The following PDE10A variants were observed in gnomAD, a reference collection of about 807,000 sequenced individuals.
PDE10A encodes phosphodiesterase 10A.
In PDE10A, 39 loss-of-function variants were observed where a neutral mutation model predicts 97.7. That is an observed-to-expected ratio of 0.40 (90% confidence interval 0.31 to 0.52). The LOEUF is 0.52. PDE10A is among the 20% of genes least tolerant of loss of function. PDE10A has a pLI of 0.56. For synonymous variants in PDE10A, 371 were observed against 376.8 expected, an observed-to-expected ratio of 0.98 and a Z score of 0.18; for missense variants, 731 against 1,047.8, an observed-to-expected ratio of 0.70 and a Z score of 4.17.
At chr6:165,962,315 T>G (rs1323389327) in intron 1 of PDE10A, among the ~76,000 whole-genome samples, 1 of 152,156 alleles carries the variant, frequency 6.6e-6, no homozygotes, top group Non-Finnish European at 1.5e-5. Flanking sequence ...TGGTGACCAG[T>G]GGGTGGGAAT....
At chr6:165,716,811 C>T (rs897701649) in intron 1 of PDE10A, among the ~76,000 whole-genome samples, 1 of 152,150 alleles carries the variant, frequency 6.6e-6, no homozygotes, top group South Asian at 2.1e-4. Flanking sequence ...AATGGCTATT[C>T]TTGATTTTTA....
rs181491448 is a variant in PDE10A at position 165,374,523 on chromosome 6, G to A, written c.2783+4671C>T. On this transcript the variant is annotated intron_variant, in intron 18 of 21. Coordinates refer to ENST00000539869, the MANE Select transcript of PDE10A (RefSeq NM_001385079.1). ...AAAATTTATGAATAAATACACAGAA[G>A]TAAGAATAGTAAGTAATAAACAAAC... Among the ~76,000 whole-genome samples the A allele has an allele frequency of 2.0e-5, 3 of 152,098 alleles. No homozygotes were observed. The East Asian group carries it at 5.8e-4, about 29-fold the overall frequency.
chr6:165,536,715 T>G (rs967771942), intron 2 of PDE10A, among the ~76,000 whole-genome samples: 4 of 151,980 alleles, frequency 2.6e-5, no homozygotes, highest in Non-Finnish European at 5.9e-5. Flanking sequence ...TCAATATCAC[T>G]AATCATCAGG....
At chr6:165,471,797 T>C (rs552396548) in intron 3 of PDE10A, among the ~76,000 whole-genome samples, 1 of 152,254 alleles carries the variant, frequency 6.6e-6, no homozygotes, top group African/African-American at 2.4e-5. Flanking sequence ...AATTTCTTAT[T>C]AGACTTACTA....
intron 1 of PDE10A, among the ~76,000 whole-genome samples, chr6:165,938,732 A>G (rs1421723529): frequency 6.6e-6 from 1 of 151,988 alleles, no homozygotes; most frequent in Non-Finnish European, 1.5e-5. Context: ...GTGAGCAACA[A>G]CATCAAAAAT....
intron 15 of PDE10A, among the ~76,000 whole-genome samples, chr6:165,394,580 C>T (rs1397062247): frequency 6.6e-6 from 1 of 152,114 alleles, no homozygotes; most frequent in Non-Finnish European, 1.5e-5. Context: ...TGGGTATATA[C>T]CTAGTAATGG....
At chr6:165,974,717 A>G (rs1386613221) in intron 1 of PDE10A, among the ~76,000 whole-genome samples, 1 of 152,228 alleles carries the variant, frequency 6.6e-6, no homozygotes, top group East Asian at 1.9e-4. Flanking sequence ...GCTAGATTCT[A>G]TTGCTGAAGG....
intron 1 of PDE10A, among the ~76,000 whole-genome samples, chr6:165,584,795 C>G (rs1785813856): frequency 6.6e-6 from 1 of 152,066 alleles, no homozygotes; most frequent in South Asian, 2.1e-4. Context: ...TGTTAATGAC[C>G]CAGGCCCCTC....
chr6:165,971,717 C>G (rs558511919), intron 1 of PDE10A, among the ~76,000 whole-genome samples: 8 of 152,314 alleles, frequency 5.3e-5, no homozygotes, highest in Non-Finnish European at 8.8e-5. Flanking sequence ...AAGTTTAAAT[C>G]TTCAGGCCTG....
chr6:165,356,012 A>T (rs543807235), intron 18 of PDE10A, among the ~76,000 whole-genome samples: 19 of 152,250 alleles, frequency 1.2e-4, no homozygotes, highest in Admixed American at 1.2e-3. Context: ...CGAAGGTGAA[A>T]GGGAAGCAAG....
chr6:165,523,515 G>A (rs1242472772), intron 2 of PDE10A, among the ~76,000 whole-genome samples: 1 of 152,060 alleles, frequency 6.6e-6, no homozygotes, highest in East Asian at 1.9e-4. Flanking sequence ...GTAAGCAATG[G>A]AGAAAGGACT....
intron 1 of PDE10A, among the ~76,000 whole-genome samples, chr6:165,968,432 A>G (rs543117142): frequency 2.0e-5 from 3 of 152,208 alleles, no homozygotes; most frequent in Non-Finnish European, 2.9e-5. Flanking sequence ...ACCACCCACT[A>G]TCACAATGGG....
rs540711602 is a variant in PDE10A, at chr6:165,353,453, G to T, written c.2784-9951C>A. On this transcript the variant is annotated intron_variant, in intron 18 of 21. Transcript: ENST00000539869. ...CACATGGATGTATAGGCAGCTTTAC[G>T]AATAGTTGTCAAAACTTGGAAACAA... is the stretch of plus-strand genomic sequence containing the variant. Among the ~76,000 whole-genome samples the T allele has an allele frequency of 4.6e-5, 7 of 152,238 alleles. No homozygotes were observed. The East Asian group carries it at 1.4e-3, about 29-fold the overall frequency.
intron 13 of PDE10A, among the ~76,000 whole-genome samples, chr6:165,399,298 G>T (rs1302538350): frequency 6.6e-6 from 1 of 152,048 alleles, no homozygotes; most frequent in Admixed American, 6.6e-5. Context: ...AATCCCAGTA[G>T]GCTTTTCTAT....
intron 1 of PDE10A, among the ~76,000 whole-genome samples, chr6:165,943,329 AAAAG>A (rs746117595): frequency 0.018 from 1,202 of 66,150 alleles, 188 homozygotes; most frequent in Non-Finnish European, 0.022. Context: ...GAAAGAAAGA[AAAAG>A]AAAGAAAGAA....
chr6:165,545,801 T>C (rs1192963731), intron 1 of PDE10A, among the ~76,000 whole-genome samples: 1 of 152,048 alleles, frequency 6.6e-6, no homozygotes, highest in Admixed American at 6.5e-5. Context: ...AAAATTATCA[T>C]TTAATCATGA....
At chr6:165,718,642 AC>A (rs1792086748) in intron 1 of PDE10A, among the ~76,000 whole-genome samples, 1 of 145,888 alleles carries the variant, frequency 6.9e-6, no homozygotes, top group South Asian at 2.3e-4. Flanking sequence ...CCGAACCCCC[AC>A]CTTTTCCCCC....
intron 1 of PDE10A, among the ~76,000 whole-genome samples, chr6:165,684,472 C>G (rs1468781700): frequency 6.6e-6 from 1 of 152,236 alleles, no homozygotes; most frequent in East Asian, 1.9e-4. Flanking sequence ...CTGGGTGGCT[C>G]CTTTCCTGTT....
At chr6:165,945,407 T>G (rs951487441) in intron 1 of PDE10A, among the ~76,000 whole-genome samples, 2 of 152,232 alleles carry the variant, frequency 1.3e-5, no homozygotes, top group Non-Finnish European at 2.9e-5. Flanking sequence ...TTTAAGCCAA[T>G]AAATTTTGGA....
Sources: allele counts gnomAD v4.1 joint callset (sites outside exome capture counted in the v4.1 genomes callset), GRCh38; gene constraint gnomAD v4.1.1; transcripts MANE v1.5; gene names NCBI Gene and HGNC (gene_info 2026-07-23, HGNC 2026-07-21).